The following NTRK1 variants were observed in gnomAD, a reference collection of about 807,000 sequenced individuals.
The protein encoded by NTRK1 is neurotrophic receptor tyrosine kinase 1.
NTRK1 carries 62 observed loss-of-function variants against 86.8 expected under a neutral mutation model. The ratio of observed to expected loss-of-function variants is 0.71; its 90% CI spans 0.58 to 0.88. The LOEUF is 0.88. NTRK1 is among the 40% of genes least tolerant of loss of function. The pLI is 0.00. For missense variants in NTRK1, 967 were observed against 1,078.4 expected (o/e 0.90, Z 1.45); for synonymous variants, 469 against 456.6 (o/e 1.03, Z -0.35).
chr1:156,849,071 C>T, intron 2 of NTRK1: 1 of 1,605,020 alleles, frequency 6.2e-7, no homozygotes, highest in Non-Finnish European at 8.5e-7. Context: ...GGGGCCTGCT[C>T]GCAACCGCGC....
chr1:156,849,729 C>T (rs1250975560), intron 2 of NTRK1, among the ~76,000 whole-genome samples: 1 of 152,130 alleles, frequency 6.6e-6, no homozygotes, highest in East Asian at 1.9e-4. Flanking sequence ...ATCCTTCCCT[C>T]GACTCTCTTT....
intron 4 of NTRK1, among the ~76,000 whole-genome samples, 187 bp from the exon 5 acceptor site, chr1:156,867,917 C>T (rs1446374854): frequency 6.8e-6 from 1 of 147,148 alleles, no homozygotes; most frequent in Non-Finnish European, 1.5e-5. Context: ...TTGTGATCCG[C>T]CCGCCTCGGC....
At chr1:156,846,485 G>C in intron 2 of NTRK1, 1 of 1,539,856 alleles carries the variant, frequency 6.5e-7, no homozygotes, top group African/African-American at 1.4e-5. Context: ...GGATGCAGGC[G>C]TCTGACTGAC....
chr1:156,877,294 C>T (rs1379096973), intron 14 of NTRK1, among the ~76,000 whole-genome samples: 1 of 152,216 alleles, frequency 6.6e-6, no homozygotes, highest in Non-Finnish European at 1.5e-5. Context: ...TTGCAATTTA[C>T]ACTTGAAGCA....
At chr1:156,835,534 A>G (rs556244618) in intron 1 of NTRK1, among the ~76,000 whole-genome samples, 6 of 152,300 alleles carry the variant, frequency 3.9e-5, no homozygotes, top group African/African-American at 1.2e-4. Flanking sequence ...GAAGATATAA[A>G]TCATCCACAA....
At chr1:156,878,325 C>T (rs1488744893) in intron 14 of NTRK1, among the ~76,000 whole-genome samples, 1 of 152,092 alleles carries the variant, frequency 6.6e-6, no homozygotes, top group African/African-American at 2.4e-5. Context: ...TTTAGGTGTC[C>T]CTTCCTCTAG....
intron 1 of NTRK1, among the ~76,000 whole-genome samples, chr1:156,827,023 C>T (rs67195253): frequency 0.17 from 25,723 of 152,180 alleles, 2,889 homozygotes; most frequent in African/African-American, 0.32. Context: ...AAACTCAGCT[C>T]CTTGTTTTGG....
chr1:156,848,463 C>T (rs566943899), intron 2 of NTRK1, among the ~76,000 whole-genome samples: 49 of 152,192 alleles, frequency 3.2e-4, no homozygotes, highest in Non-Finnish European at 7.2e-4. Context: ...GGTCAGTTGA[C>T]TCTCTCCAAA....
chr1:156,846,662 T>C, intron 2 of NTRK1: 1 of 1,614,222 alleles, frequency 6.2e-7, no homozygotes, highest in Non-Finnish European at 8.5e-7. Context: ...CCCTGGCTCC[T>C]GGGTGCGGCT....
intron 2 of NTRK1, chr1:156,849,068 GC>G: frequency 6.2e-7 from 1 of 1,606,250 alleles, no homozygotes; most frequent in Non-Finnish European, 8.5e-7. Flanking sequence ...CGAGGGGCCT[GC>G]TCGCAACCGC....
At chr1:156,857,702 C>A (rs150704723), upstream of NTRK1, among the ~76,000 whole-genome samples, 284 of 152,342 alleles carry the variant, frequency 1.9e-3, 1 homozygote, top group African/African-American at 6.6e-3. Context: ...GACTCCCCTG[C>A]CCCTGGGAGC....
intron 1 of NTRK1, among the ~76,000 whole-genome samples, chr1:156,839,719 A>G (rs902392112): frequency 3.3e-5 from 5 of 152,158 alleles, no homozygotes; most frequent in Non-Finnish European, 7.3e-5. Context: ...ACACTCCAGA[A>G]AATACCTACC....
At chr1:156,817,047 T>TTCTCTCTCTCTCTCTCTC (rs3840456) in intron 1 of NTRK1, among the ~76,000 whole-genome samples, 20,144 of 113,318 alleles carry the variant, frequency 0.18, 3,414 homozygotes, top group East Asian at 0.35. Context: ...GAACTTCCCT[T>TTCTCTCTCTCTCTCTCTC]TCTCTCTCTC....
At chr1:156,841,189 G>T in intron 1 of NTRK1, 2 of 1,148,590 alleles carry the variant, frequency 1.7e-6, no homozygotes, top group Non-Finnish European at 1.3e-6. Context: ...CAGTTGGTGG[G>T]AGTGGGGATC....
chr1:156,815,987 G>A lies in NTRK1; in HGVS notation c.-64+149G>A, dbSNP rs1800600. 1,093,825 of 1,609,636 alleles carry A rather than the reference G, an allele frequency of 0.68. 373,314 individuals carry two copies. Among genetic ancestry groups the A allele is most frequent in the East Asian group, 0.82 (36,556 of 44,740 alleles). ...GATGAGGGAGCTGCACCACGCTGCC[G>A]CCCCAGGTTTCCACTCACCGCAGTG... On this transcript the variant is annotated intron_variant, in intron 1 of 16. Transcript: ENST00000392302.
In NTRK1 at chr1:156,873,712, A is replaced by T. The variant is rs745909443; in HGVS notation, c.930A>T (p.Ala310=). 1.2e-6 allele frequency: 2 copies of T among 1,612,086 alleles called. No individual in the cohort carries two copies. Among genetic ancestry groups the T allele is most frequent in the East Asian group, 4.5e-5 (2 of 44,836 alleles). ...CIPFSVDGQP[A]PSLRWLFNGS... is the part of the protein sequence containing the mutation. Reference sequence around the variant, plus strand: ...CCTTCTCTGTGGATGGGCAGCCGGCACCGTCTCTGCGCTGGCTCTTCAATG... The same window carrying T: ...CCTTCTCTGTGGATGGGCAGCCGGCTCCGTCTCTGCGCTGGCTCTTCAATG... Residue 310 remains alanine (A), a synonymous_variant, in exon 8 of 17, where the codon GCA becomes GCT. Coordinates refer to ENST00000524377, the MANE Select transcript of NTRK1 (RefSeq NM_002529.4).
chr1:156,843,515 T>C, intron 2 of NTRK1: 1 of 1,605,130 alleles, frequency 6.2e-7, no homozygotes, highest in Non-Finnish European at 8.5e-7. Flanking sequence ...GCTGGAAGGG[T>C]TCTCAGGAAG....
chr1:156,819,362 G>A (rs1161845317), intron 1 of NTRK1, among the ~76,000 whole-genome samples: 1 of 151,972 alleles, frequency 6.6e-6, no homozygotes, highest in Non-Finnish European at 1.5e-5. Context: ...AAATAAGGTG[G>A]TATCTCATTG....
At chr1:156,853,977 C>T (rs1655322505) in intron 2 of NTRK1, 3 of 1,613,318 alleles carry the variant, frequency 1.9e-6, no homozygotes, top group Non-Finnish European at 8.5e-7. Flanking sequence ...ACACGCACAG[C>T]CCCACGCAGC....
Sources: allele counts gnomAD v4.1 joint callset (sites outside exome capture counted in the v4.1 genomes callset), GRCh38; gene constraint gnomAD v4.1.1; transcripts MANE v1.5; gene names NCBI Gene and HGNC (gene_info 2026-07-23, HGNC 2026-07-21).